Variants in GPCPD1 observed in about 807,000 individuals in gnomAD.
GPCPD1 encodes the protein glycerophosphocholine phosphodiesterase GPCPD1.
GPCPD1 carries 29 observed loss-of-function variants against 89.2 expected under a neutral mutation model. The observed-to-expected ratio is 0.33, with a 90% CI of 0.24 to 0.44. The LOEUF is 0.44. Ranked by LOEUF, GPCPD1 falls within the 20% of genes least tolerant of loss-of-function variation. The pLI is 1.00. For synonymous variants in GPCPD1, 258 were observed against 266.3 expected (o/e 0.97, Z 0.30); for missense variants, 594 against 808.9 (o/e 0.73, Z 3.22).
chr20:5,561,359 T>C (rs1382357194), intron 16 of GPCPD1, 106 bp downstream of exon 16: 5 of 598,262 alleles, frequency 8.4e-6, no homozygotes, highest in South Asian at 2.3e-5. Context: ...GAAGCCACAA[T>C]GAGATTTCAA....
chr20:5,588,789 C>T (rs759793547), intron 4 of GPCPD1, among the ~76,000 whole-genome samples: 12 of 151,596 alleles, frequency 7.9e-5, no homozygotes, highest in Non-Finnish European at 1.8e-4. Context: ...TGCGCCACTG[C>T]ACTCCAGCCT....
intron 19 of GPCPD1, chr20:5,549,549 G>T: frequency 2.2e-6 from 2 of 914,930 alleles, no homozygotes; most frequent in Non-Finnish European, 3.4e-6. Flanking sequence ...CGAGATTTTG[G>T]AGCTGAATCA....
At position 5,554,513 on chromosome 20, in the gene GPCPD1, G is replaced by A. The variant is rs1388034639; in HGVS notation, c.1829+3432C>T. Among the ~76,000 whole-genome samples, 9 of 152,286 alleles carry A rather than the reference G, an allele frequency of 5.9e-5. No individual in the cohort carries two copies. The South Asian group carries it at 1.7e-3, about 28-fold the overall frequency. Reference sequence around the variant, plus strand: ...GAATTACGCTAAATCTACTTTGTCTGTGCTCCAGAAATGCAACAAAGTCTG... The same window carrying A: ...GAATTACGCTAAATCTACTTTGTCTATGCTCCAGAAATGCAACAAAGTCTG... On this transcript the variant is annotated intron_variant, in intron 19 of 19. Transcript: ENST00000379019.
intron 8 of GPCPD1, 54 bp from the exon 9 acceptor site, chr20:5,576,032 C>A: frequency 1.2e-6 from 1 of 816,056 alleles, no homozygotes. Flanking sequence ...ACATTACATA[C>A]ATACATATAC....
At chr20:5,600,154 C>T (rs1568678651) in intron 2 of GPCPD1, among the ~76,000 whole-genome samples, 1 of 152,194 alleles carries the variant, frequency 6.6e-6, no homozygotes, top group Non-Finnish European at 1.5e-5. Flanking sequence ...TCTAGTAAGA[C>T]TAGAATTGTA....
chr20:5,568,538 A>G (rs1986529665), intron 12 of GPCPD1, among the ~76,000 whole-genome samples: 1 of 152,166 alleles, frequency 6.6e-6, no homozygotes, highest in African/African-American at 2.4e-5. Flanking sequence ...TTCAGGTTCA[A>G]CTTCAGATCA....
chr20:5,561,625 A>G (rs1986084340), intron 15 of GPCPD1, 95 bp from the exon 16 acceptor site: 3 of 623,150 alleles, frequency 4.8e-6, no homozygotes, highest in Non-Finnish European at 2.8e-6. Flanking sequence ...AAATAATAAG[A>G]ATTTATCATT....
intron 3 of GPCPD1, among the ~76,000 whole-genome samples, chr20:5,596,527 T>A (rs1189592702): frequency 6.6e-6 from 1 of 152,198 alleles, no homozygotes; most frequent in Admixed American, 6.5e-5. Context: ...ATTGCCCTTA[T>A]ATCCTTTCCC....
At chr20:5,549,421 G>T (rs1985237428) in intron 19 of GPCPD1, 2 of 1,209,422 alleles carry the variant, frequency 1.7e-6, no homozygotes, top group East Asian at 2.5e-5. Context: ...TTGGTTATCA[G>T]TCCCATGCAG....
intron 11 of GPCPD1, among the ~76,000 whole-genome samples, chr20:5,573,523 C>T (rs903541611): frequency 4.6e-5 from 7 of 152,154 alleles, no homozygotes; most frequent in Admixed American, 6.5e-5. Flanking sequence ...AAGATTTGAG[C>T]CCAGGAGTTT....
rs190789687 is a variant in GPCPD1, at chr20:5,575,284, T to C, written c.1001+129A>G. 3,000 of 684,564 alleles carry C rather than the reference T, an allele frequency of 4.4e-3. 14 individuals carry two copies. The highest frequency in any genetic ancestry group is 0.015 in the Middle Eastern group (36 of 2,358). The allele number at this position is 684,564 out of a possible 1,614,324, so 42.4% of individuals were successfully genotyped here. Reference sequence around the variant, plus strand: ...TCTTAAGGTTGGTCTCTAACCCCAATTACCAAATTACACTAAATTCCCTTG... The same window carrying C: ...TCTTAAGGTTGGTCTCTAACCCCAACTACCAAATTACACTAAATTCCCTTG... On this transcript the variant is annotated intron_variant, in intron 10 of 19. Transcript: ENST00000379019.
intron 14 of GPCPD1, among the ~76,000 whole-genome samples, chr20:5,566,490 T>C (rs1163689727): frequency 2.0e-5 from 3 of 152,218 alleles, no homozygotes; most frequent in African/African-American, 4.8e-5. Context: ...TTTGGAAAGA[T>C]TGATAAGTAT....
chr20:5,595,165 A>G (rs59599966), intron 3 of GPCPD1, among the ~76,000 whole-genome samples: 1 of 152,162 alleles, frequency 6.6e-6, no homozygotes, highest in Non-Finnish European at 1.5e-5. Context: ...ATTTTTTAGC[A>G]ATAAAGTATT....
In GPCPD1 at chr20:5,568,232, A is replaced by G. The variant is rs574603157; in HGVS notation, c.1150-672T>C. The stretch of plus-strand genomic sequence containing the variant: ...CATCTGTCCAACAAATATACTTAGT[A>G]TATATATATATATACTTAGTATATA... On this transcript the variant is annotated intron_variant, in intron 12 of 19. Coordinates refer to ENST00000379019, the MANE Select transcript of GPCPD1 (RefSeq NM_019593.5). 2.1e-3 allele frequency among the ~76,000 whole-genome samples: 315 copies of G among 147,946 alleles called. 1 individual carries two copies. The highest frequency in any genetic ancestry group is 7.3e-3 in the African/African-American group (297 of 40,520).
chr20:5,586,669 CTCT>C (rs1439431244), intron 4 of GPCPD1, among the ~76,000 whole-genome samples: 1 of 152,126 alleles, frequency 6.6e-6, no homozygotes, highest in Admixed American at 6.6e-5. Flanking sequence ...GTACCTCCTG[CTCT>C]ATGCATTTAG....
chr20:5,580,916 C>T (rs1978432509), intron 6 of GPCPD1, among the ~76,000 whole-genome samples: 1 of 151,010 alleles, frequency 6.6e-6, no homozygotes, highest in East Asian at 2.0e-4. Flanking sequence ...CTCTGTTGCC[C>T]AGGCTAGAGT....
At position 5,547,484 on chromosome 20, in the gene GPCPD1, T is replaced by C. The variant is rs1314540930; in HGVS notation, c.*177A>G. 7 of 393,472 alleles carry C rather than the reference T, an allele frequency of 1.8e-5. No homozygotes were observed. The Admixed American group carries it at 2.6e-4, about 15-fold the overall frequency. 24.4% of individuals were successfully genotyped at this position (393,472 alleles called of 1,614,324 possible). On this transcript the variant is annotated 3_prime_UTR_variant, in exon 20 of 20. Coordinates refer to ENST00000379019, the MANE Select transcript of GPCPD1 (RefSeq NM_019593.5). ...AAAGAGACTGACTGGCAATTATACC[T>C]GGCCAAGTAATTTAAATAGCATACT... is the stretch of plus-strand genomic sequence containing the variant.
At chr20:5,556,560 G>T (rs989452380) in intron 19 of GPCPD1, among the ~76,000 whole-genome samples, 1 of 152,104 alleles carries the variant, frequency 6.6e-6, no homozygotes, top group Non-Finnish European at 1.5e-5. Flanking sequence ...GCTTTGCTGT[G>T]GTGGTCTGGA....
At chr20:5,590,553 A>AAAAAAAAAAAAAAAAAAAC (rs1979256953) in intron 4 of GPCPD1, among the ~76,000 whole-genome samples, 4 of 150,974 alleles carry the variant, frequency 2.6e-5, no homozygotes, top group Non-Finnish European at 3.0e-5. Context: ...AAAAAAAAAA[A>AAAAAAAAAAAAAAAAAAAC]TCTCTATTTT....
Sources: gnomAD v4.1 joint callset for allele counts (sites outside exome capture counted in the v4.1 genomes callset) on GRCh38, gnomAD v4.1.1 for gene constraint, MANE v1.5 for transcripts, NCBI Gene and HGNC (gene_info 2026-07-23, HGNC 2026-07-21) for gene names.